GABRA2: variants seen among roughly 807,000 people sequenced by gnomAD.
GABRA2 encodes the protein gamma-aminobutyric acid receptor subunit alpha-2.
GABRA2 carries 16 observed loss-of-function variants against 48.7 expected under a neutral mutation model. That is an observed-to-expected ratio of 0.33 (90% confidence interval 0.22 to 0.50). The LOEUF (loss-of-function observed/expected upper bound fraction) is 0.50, where lower values mean the gene tolerates loss of function less well. Ranked by LOEUF, GABRA2 falls within the 20% of genes least tolerant of loss-of-function variation. The pLI is 0.98. For synonymous variants in GABRA2, 185 were observed against 184.5 expected, an observed-to-expected ratio of 1.00 and a Z score of -0.02; for missense variants, 275 against 535.6, an observed-to-expected ratio of 0.51 and a Z score of 4.80.
chr4:46,258,023 A>G (rs903336391), intron 9 of GABRA2, among the ~76,000 whole-genome samples: 1 of 151,728 alleles, frequency 6.6e-6, no homozygotes, highest in African/African-American at 2.4e-5. Flanking sequence ...TCAGGTTGAG[A>G]CTGAGGTTGA....
At chr4:46,316,399 G>C (rs1333427736) in intron 4 of GABRA2, among the ~76,000 whole-genome samples, 1 of 151,980 alleles carries the variant, frequency 6.6e-6, no homozygotes, top group African/African-American at 2.4e-5. Flanking sequence ...TTGCATAAAT[G>C]AATGAGCATG....
chr4:46,290,107 G>A (rs796307255), intron 8 of GABRA2, among the ~76,000 whole-genome samples: 2 of 148,208 alleles, frequency 1.3e-5, no homozygotes, highest in Non-Finnish European at 3.0e-5. Context: ...TAGTAGAGAC[G>A]GGGTTTCACC....
intron 4 of GABRA2, among the ~76,000 whole-genome samples, chr4:46,315,144 T>G (rs906648451): frequency 6.6e-6 from 1 of 151,600 alleles, no homozygotes; most frequent in Admixed American, 6.6e-5. Flanking sequence ...CATCTGTTTT[T>G]TTTTTTTTTC....
At chr4:46,305,852 CT>C in intron 6 of GABRA2, 141 bp from the exon 7 acceptor site, 1 of 602,588 alleles carries the variant, frequency 1.7e-6, no homozygotes. Flanking sequence ...GCAAAAATGT[CT>C]CATTTGAATT....
At chr4:46,330,563 CAT>C (rs71955894) in intron 4 of GABRA2, among the ~76,000 whole-genome samples, 23,228 of 128,016 alleles carry the variant, frequency 0.18, 2,061 homozygotes, top group East Asian at 0.25. Context: ...TGTATATATG[CAT>C]ATATATATAT....
rs1718042723 is a variant in GABRA2 at position 46,389,997 on chromosome 4, G to GGAGGAA, written c.-279_-274dup. ...CGTAGTGGCGGTGATGGGCGGAGGA[G>GGAGGAA]GAGGAAGAGGAGGAGGAGGAAGAGG... On this transcript the variant is annotated 5_prime_UTR_variant, in exon 1 of 10. Coordinates refer to ENST00000381620, the MANE Select transcript of GABRA2 (RefSeq NM_000807.4). 1 of 978,478 alleles carries GGAGGAA rather than the reference G, an allele frequency of 1.0e-6. No individual in the cohort carries two copies. Among genetic ancestry groups the GGAGGAA allele is most frequent in the African/African-American group, 1.8e-5 (1 of 55,130 alleles). The allele number at this position is 978,478 out of a possible 1,614,324, so 60.6% of individuals were successfully genotyped here.
At chr4:46,273,225 C>A (rs1370529326) in intron 8 of GABRA2, among the ~76,000 whole-genome samples, 1 of 151,618 alleles carries the variant, frequency 6.6e-6, no homozygotes, top group Non-Finnish European at 1.5e-5. Context: ...TATGACTAGG[C>A]GTGATTCTTG....
intron 8 of GABRA2, 75 bp downstream of exon 8, chr4:46,303,385 A>T: frequency 7.1e-7 from 1 of 1,404,474 alleles, no homozygotes; most frequent in East Asian, 2.3e-5. Flanking sequence ...TAGTTTGAGG[A>T]TCAAGAGAGA....
chr4:46,279,502 A>G (rs911813501), intron 8 of GABRA2, among the ~76,000 whole-genome samples: 1 of 151,948 alleles, frequency 6.6e-6, no homozygotes, highest in Non-Finnish European at 1.5e-5. Flanking sequence ...CTCTTTTTTT[A>G]AATTTTTTTT....
chr4:46,280,409 T>C (rs940479078), intron 8 of GABRA2, among the ~76,000 whole-genome samples: 1 of 152,038 alleles, frequency 6.6e-6, no homozygotes, highest in African/African-American at 2.4e-5. Context: ...AGTGTGGATG[T>C]TAGGGAAAGA....
At chr4:46,319,382 C>T (rs1406207987) in intron 4 of GABRA2, among the ~76,000 whole-genome samples, 1 of 151,646 alleles carries the variant, frequency 6.6e-6, no homozygotes, top group Admixed American at 6.6e-5. Flanking sequence ...GCTAGTCTCC[C>T]TTGAGTAAAT....
intron 3 of GABRA2, among the ~76,000 whole-genome samples, chr4:46,350,793 C>A (rs1212222307): frequency 6.6e-6 from 1 of 151,046 alleles, no homozygotes; most frequent in African/African-American, 2.4e-5. Flanking sequence ...AGATAAAAGA[C>A]AAATAGAAAA....
intron 8 of GABRA2, among the ~76,000 whole-genome samples, chr4:46,300,060 GTAA>G (rs1725472760): frequency 6.6e-6 from 1 of 151,908 alleles, no homozygotes. Context: ...ATTAATAATA[GTAA>G]TAATGATAAC....
chr4:46,325,339 G>A (rs970341785), intron 4 of GABRA2, among the ~76,000 whole-genome samples: 1 of 151,960 alleles, frequency 6.6e-6, no homozygotes, highest in Non-Finnish European at 1.5e-5. Flanking sequence ...AATGATTAAT[G>A]ATGTTGAACA....
intron 6 of GABRA2, among the ~76,000 whole-genome samples, chr4:46,307,032 T>C (rs1458319998): frequency 1.3e-5 from 2 of 152,114 alleles, no homozygotes; most frequent in Non-Finnish European, 2.9e-5. Flanking sequence ...TCACCTACAT[T>C]CACAATTAAA....
intron 3 of GABRA2, among the ~76,000 whole-genome samples, chr4:46,351,541 A>G (rs1202144393): frequency 2.0e-5 from 3 of 152,026 alleles, no homozygotes; most frequent in Non-Finnish European, 4.4e-5. Flanking sequence ...ACAATAAAAT[A>G]TTCTTAGACA....
intron 9 of GABRA2, among the ~76,000 whole-genome samples, chr4:46,251,713 C>T (rs1301119967): frequency 1.3e-5 from 2 of 151,326 alleles, no homozygotes; most frequent in Non-Finnish European, 3.0e-5. Context: ...GTTTCCATTA[C>T]GATATTTTTC....
chr4:46,338,346 A>G (rs1732621031), intron 3 of GABRA2, among the ~76,000 whole-genome samples: 1 of 151,938 alleles, frequency 6.6e-6, no homozygotes, highest in South Asian at 2.1e-4. Context: ...AATTTGATTC[A>G]CATGCAATTG....
intron 8 of GABRA2, among the ~76,000 whole-genome samples, chr4:46,276,141 AC>A (rs2109432963): frequency 6.6e-6 from 1 of 152,286 alleles, no homozygotes; most frequent in Admixed American, 6.6e-5. Context: ...CTCTTGAAAC[AC>A]TTGAAACATG....
Sources: allele counts gnomAD v4.1 joint callset (sites outside exome capture counted in the v4.1 genomes callset), GRCh38; gene constraint gnomAD v4.1.1; transcripts MANE v1.5; gene names NCBI Gene and HGNC (gene_info 2026-07-23, HGNC 2026-07-21).